ATG10: variants seen among roughly 807,000 people sequenced by gnomAD.
The protein encoded by ATG10 is autophagy related 10, also known as ubiquitin-like-conjugating enzyme ATG10.
Under a neutral mutation model 32.1 loss-of-function variants are expected in ATG10, and 30 were observed. The observed-to-expected ratio is 0.94, with a 90% CI of 0.70 to 1.27. The LOEUF (loss-of-function observed/expected upper bound fraction) is 1.27, where lower values mean the gene tolerates loss of function less well. ATG10 is among the 50% of genes most tolerant of loss of function. The pLI is 0.00. For synonymous variants in ATG10, 87 were observed against 91.5 expected (o/e 0.95, Z 0.28); for missense variants, 233 against 262.3 (o/e 0.89, Z 0.77).
chr5:82,141,851 A>G (rs116514487), intron 3 of ATG10, among the ~76,000 whole-genome samples: 158 of 146,990 alleles, frequency 1.1e-3, no homozygotes, highest in Middle Eastern at 7.1e-3. Flanking sequence ...AGGCTGTTTG[A>G]AAAAAAAAAA....
At chr5:82,156,577 G>A (rs923294848) in intron 3 of ATG10, among the ~76,000 whole-genome samples, 5 of 152,136 alleles carry the variant, frequency 3.3e-5, no homozygotes, top group African/African-American at 1.2e-4. Context: ...CAAATTACAT[G>A]ATGTACATCA....
chr5:82,000,966 T>C (rs934156427), intron 2 of ATG10, among the ~76,000 whole-genome samples: 12 of 152,090 alleles, frequency 7.9e-5, no homozygotes, highest in Non-Finnish European at 1.8e-4. Flanking sequence ...CAAAAATCAG[T>C]AGCATTTCTA....
In ATG10 at chr5:82,172,139, G is replaced by A. The variant is rs982680297; in HGVS notation, c.356-6351G>A. Among the ~76,000 whole-genome samples the A allele has an allele frequency of 2.6e-5, 4 of 152,142 alleles. No individual in the cohort carries two copies. The East Asian group carries it at 5.8e-4, about 22-fold the overall frequency. ...GGCTTGGGAAGAAAATCATGAAAGG[G>A]AAAATTCCAGATACTCATAGGTTAG... is the stretch of plus-strand genomic sequence containing the variant. On this transcript the variant is annotated intron_variant, in intron 4 of 7. Transcript: ENST00000282185.
intron 5 of ATG10, among the ~76,000 whole-genome samples, chr5:82,230,968 TA>T (rs1304457668): frequency 6.6e-6 from 1 of 152,150 alleles, no homozygotes; most frequent in Non-Finnish European, 1.5e-5. Flanking sequence ...GATAGATAGA[TA>T]GATAGCTATT....
intron 3 of ATG10, among the ~76,000 whole-genome samples, chr5:82,154,000 G>A (rs1311163211): frequency 6.6e-6 from 1 of 150,660 alleles, no homozygotes; most frequent in Non-Finnish European, 1.5e-5. Flanking sequence ...CTGGGCTCAA[G>A]CAATCCTCCT....
rs575342447 is a variant in ATG10 at position 81,986,130 on chromosome 5, G to C, written c.-12-1429G>C. 1.2e-3 allele frequency among the ~76,000 whole-genome samples: 174 copies of C among 151,234 alleles called. 2 individuals carry two copies. The highest frequency in any genetic ancestry group is 2.2e-3 in the Admixed American group (34 of 15,202). ...TCACCGTGTTAGCCAGGATGGTCTG[G>C]ATCTCCTGACCTCGTAATCCGCCCG... On this transcript the variant is annotated intron_variant, in intron 1 of 7. Transcript: ENST00000282185.
chr5:82,188,195 G>T (rs907562954), intron 5 of ATG10, among the ~76,000 whole-genome samples: 1 of 152,068 alleles, frequency 6.6e-6, no homozygotes, highest in African/African-American at 2.4e-5. Context: ...CTGGATTTGG[G>T]TCTTATTACT....
At chr5:82,233,734 C>T (rs543767850) in intron 5 of ATG10, among the ~76,000 whole-genome samples, 1 of 152,198 alleles carries the variant, frequency 6.6e-6, no homozygotes. Flanking sequence ...TACCTGTCAT[C>T]TCTCTGTCCC....
chr5:82,005,940 T>C (rs1761976826), intron 2 of ATG10, among the ~76,000 whole-genome samples: 1 of 152,190 alleles, frequency 6.6e-6, no homozygotes, highest in African/African-American at 2.4e-5. Flanking sequence ...CTAAACATAC[T>C]TGATTATAAT....
At chr5:82,131,222 A>G (rs1289797575) in intron 3 of ATG10, among the ~76,000 whole-genome samples, 2 of 152,154 alleles carry the variant, frequency 1.3e-5, no homozygotes, top group African/African-American at 4.8e-5. Flanking sequence ...AAAGTTGAAA[A>G]TTTTTGAAAG....
intron 3 of ATG10, among the ~76,000 whole-genome samples, chr5:82,145,937 C>T (rs1394928943): frequency 5.3e-5 from 8 of 152,124 alleles, no homozygotes; most frequent in Non-Finnish European, 8.8e-5. Flanking sequence ...AAACTCCTGA[C>T]GTCAGGTGAT....
At chr5:82,005,245 A>G (rs1018195438) in intron 2 of ATG10, among the ~76,000 whole-genome samples, 2 of 152,122 alleles carry the variant, frequency 1.3e-5, no homozygotes, top group African/African-American at 4.8e-5. Flanking sequence ...CTTTTGTCTC[A>G]CAACAATTTA....
chr5:82,221,785 A>G (rs1360951864), intron 5 of ATG10, among the ~76,000 whole-genome samples: 2 of 152,234 alleles, frequency 1.3e-5, no homozygotes, highest in African/African-American at 4.8e-5. Flanking sequence ...CTACTTTCAG[A>G]CTGTTATGTG....
At chr5:82,235,956 T>A (rs2150012065) in intron 5 of ATG10, among the ~76,000 whole-genome samples, 1 of 152,362 alleles carries the variant, frequency 6.6e-6, no homozygotes, top group Admixed American at 6.5e-5. Context: ...AGTAATTGGC[T>A]TGCTTTTTTG....
At chr5:82,252,723 G>T in intron 6 of ATG10, 64 bp downstream of exon 6, 1 of 948,074 alleles carries the variant, frequency 1.1e-6, no homozygotes, top group East Asian at 2.5e-5. Context: ...ATCTTTTTAT[G>T]TGACTCTAAA....
intron 3 of ATG10, among the ~76,000 whole-genome samples, chr5:82,082,314 T>C (rs1185524256): frequency 6.6e-6 from 1 of 152,232 alleles, no homozygotes; most frequent in East Asian, 1.9e-4. Flanking sequence ...AATTCATATA[T>C]TCTGGAGTTC....
intron 5 of ATG10, among the ~76,000 whole-genome samples, chr5:82,232,595 T>G (rs972116423): frequency 3.9e-5 from 6 of 152,184 alleles, no homozygotes; most frequent in Non-Finnish European, 8.8e-5. Flanking sequence ...TCCCTGGAAC[T>G]TCTAGTCACC....
chr5:81,996,165 G>T (rs899665874), intron 2 of ATG10, among the ~76,000 whole-genome samples: 4 of 151,944 alleles, frequency 2.6e-5, no homozygotes, highest in Admixed American at 1.3e-4. Flanking sequence ...ATCTACTTAT[G>T]TTTTTAAAGT....
intron 5 of ATG10, among the ~76,000 whole-genome samples, chr5:82,201,339 C>G (rs746557088): frequency 1.3e-5 from 2 of 151,926 alleles, no homozygotes; most frequent in Non-Finnish European, 2.9e-5. Flanking sequence ...TTTATGTAAG[C>G]TGTGAGGTTT....
Sources: allele counts gnomAD v4.1 joint callset (sites outside exome capture counted in the v4.1 genomes callset), GRCh38; gene constraint gnomAD v4.1.1; transcripts MANE v1.5; gene names NCBI Gene and HGNC (gene_info 2026-07-23, HGNC 2026-07-21).